MACF1: variants seen among roughly 807,000 people sequenced by gnomAD.
The protein encoded by MACF1 is microtubule actin crosslinking factor 1, also known as microtubule-actin cross-linking factor 1.
MACF1 carries 193 observed loss-of-function variants against 854.8 expected under a neutral mutation model. The ratio of observed to expected loss-of-function variants is 0.23; its 90% confidence interval spans 0.20 to 0.25. The LOEUF is 0.25. Ranked by LOEUF, MACF1 falls within the 10% of genes least tolerant of loss-of-function variation. The probability of loss-of-function intolerance (pLI) is 1.00; values close to 1 mark genes in which losing one functional copy is unlikely to be tolerated. For missense variants in MACF1, 7,722 were observed against 8,929.1 expected (o/e 0.86, Z 5.45); for synonymous variants, 3,185 against 3,226.7 (o/e 0.99, Z 0.44).
chr1:39,361,759 C>A, intron 49 of MACF1, 82 bp downstream of exon 49: 1 of 1,320,022 alleles, frequency 7.6e-7, no homozygotes, highest in Non-Finnish European at 1.1e-6. Context: ...GCGCATACTA[C>A]ATCAGTCAGT....
chr1:39,458,155 C>T lies in MACF1; in HGVS notation c.21076-215C>T, dbSNP rs565752936. Reference sequence around the variant, plus strand: ...CATAACTCAATCACATCCCGTTAGACCCCACCTCCAGCATTGGAAATCACA... The same window carrying T: ...CATAACTCAATCACATCCCGTTAGATCCCACCTCCAGCATTGGAAATCACA... On this transcript the variant is annotated intron_variant, in intron 89 of 100. Coordinates refer to ENST00000564288, the MANE Select transcript of MACF1 (RefSeq NM_001394062.1). The T allele has an allele frequency of 1.4e-4, 72 of 512,246 alleles. 1 individual carries two copies. Among genetic ancestry groups the T allele is most frequent in the Admixed American group, 1.9e-4 (6 of 31,076 alleles). The allele number at this position is 512,246 out of a possible 1,614,324, so 31.7% of individuals were successfully genotyped here.
At chr1:39,128,433 T>C (rs1642915461) in intron 2 of MACF1, among the ~76,000 whole-genome samples, 1 of 152,168 alleles carries the variant, frequency 6.6e-6, no homozygotes, top group Admixed American at 6.5e-5. Context: ...CCAGGCACGG[T>C]GGCTCACGCC....
intron 33 of MACF1, 110 bp downstream of exon 33, chr1:39,323,118 T>C: frequency 3.2e-6 from 3 of 951,436 alleles, no homozygotes; most frequent in Non-Finnish European, 5.1e-6. Flanking sequence ...GTTGGGAGGA[T>C]TACTTGAGTC....
In MACF1 at chr1:39,406,756, A is replaced by AAAAAAAAAAAAAAAAAAAC. The variant is rs746955922; in HGVS notation, c.15817-15616_15817-15615insAAAAAAAAAAAAAAAACAA. Among the ~76,000 whole-genome samples, 361 of 116,018 alleles carry AAAAAAAAAAAAAAAAAAAC rather than the reference A, an allele frequency of 3.1e-3. 58 individuals carry two copies. Among genetic ancestry groups the AAAAAAAAAAAAAAAAAAAC allele is most frequent in the African/African-American group, 8.8e-3 (228 of 26,052 alleles). 76.1% of individuals were successfully genotyped at this position (116,018 alleles called of 152,430 possible). On this transcript the variant is annotated intron_variant, in intron 58 of 100. Coordinates refer to ENST00000564288, the MANE Select transcript of MACF1 (RefSeq NM_001394062.1). ...TCTCACTCAAAAAAAAAAAAAAAAA[A>AAAAAAAAAAAAAAAAAAAC]AACATTCTTTATAATAGAATAACCA...
chr1:39,252,786 C>A (rs1299905440), intron 4 of MACF1, among the ~76,000 whole-genome samples: 1 of 152,158 alleles, frequency 6.6e-6, no homozygotes, highest in African/African-American at 2.4e-5. Context: ...TTTTCCTAAA[C>A]CTTTGACTGA....
intron 58 of MACF1, among the ~76,000 whole-genome samples, chr1:39,406,334 A>G (rs1440601107): frequency 6.6e-6 from 1 of 152,216 alleles, no homozygotes; most frequent in Non-Finnish European, 1.5e-5. Flanking sequence ...GAATATTGGT[A>G]GATAGACATG....
intron 26 of MACF1, among the ~76,000 whole-genome samples, chr1:39,314,512 A>C (rs946688283): frequency 4.6e-5 from 7 of 151,790 alleles, no homozygotes; most frequent in African/African-American, 1.5e-4. Context: ...GTTTACAGAT[A>C]TAGATCAATA....
chr1:39,397,934 A>G (rs1384950032), intron 58 of MACF1, among the ~76,000 whole-genome samples: 2 of 152,234 alleles, frequency 1.3e-5, no homozygotes, highest in Non-Finnish European at 2.9e-5. Context: ...GATCTCTGAA[A>G]AAAACTCTAA....
chr1:39,254,622 A>G (rs149560409), intron 5 of MACF1: 92 of 432,802 alleles, frequency 2.1e-4, no homozygotes, highest in Non-Finnish European at 3.0e-4. Flanking sequence ...ATAAAGATGG[A>G]ATTTTGTGGA....
At chr1:39,116,898 G>C (rs752745631) in intron 2 of MACF1, among the ~76,000 whole-genome samples, 1 of 152,132 alleles carries the variant, frequency 6.6e-6, no homozygotes, top group African/African-American at 2.4e-5. Flanking sequence ...TTCTTCATTA[G>C]TCTTAACAGG....
intron 6 of MACF1, among the ~76,000 whole-genome samples, chr1:39,273,722 C>A (rs1645374562): frequency 6.6e-6 from 1 of 152,064 alleles, no homozygotes; most frequent in African/African-American, 2.4e-5. Flanking sequence ...CTCAGAGTAG[C>A]TGGGACTACA....
At chr1:39,117,533 G>GGTGTGTGTGTGT (rs67609869) in intron 2 of MACF1, among the ~76,000 whole-genome samples, 112 of 147,720 alleles carry the variant, frequency 7.6e-4, no homozygotes, top group African/African-American at 2.3e-3. Flanking sequence ...ACCTGCAAGA[G>GGTGTGTGTGTGT]GTGTGTGTGT....
chr1:39,432,784 G>T, intron 67 of MACF1, 130 bp downstream of exon 67: 3 of 1,090,986 alleles, frequency 2.7e-6, no homozygotes, highest in Non-Finnish European at 3.7e-6. Flanking sequence ...AATTTTCTAT[G>T]TATTTGGTTG....
In MACF1 at chr1:39,333,388, G is replaced by A; in HGVS notation, c.6800G>A (p.Arg2267Lys). The stretch of plus-strand genomic sequence containing the variant: ...AAGACCGATGAGGAAGATAGTGGCA[G>A]GGAAATTTTTCTGTCATGCAGTCAT... ...SEKTDEEDSG[R>K]EIFLSCSHPL... The change falls in exon 37 of 101, where the codon AGG becomes AAG. Residue 2267 changes from arginine (R) to lysine (K), a missense_variant. Physicochemically the swap from Arg to Lys is conservative, Grantham distance 26 (BLOSUM62 2). This residue lies in a region of MACF1 where 1,531 missense variants were observed against 1,601.6 expected (regional missense o/e 0.96). Coordinates refer to ENST00000564288, the MANE Select transcript of MACF1 (RefSeq NM_001394062.1). The A allele has an allele frequency of 6.2e-7, 1 of 1,613,990 alleles. No individual in the cohort carries two copies. The highest frequency in any genetic ancestry group is 8.5e-7 in the Non-Finnish European group (1 of 1,179,934).
At chr1:39,279,885 T>G (rs1047629920) in intron 6 of MACF1, among the ~76,000 whole-genome samples, 8 of 152,120 alleles carry the variant, frequency 5.3e-5, no homozygotes, top group African/African-American at 1.4e-4. Context: ...TACTTTTTAT[T>G]ATAAAAATAA....
chr1:39,251,798 G>A (rs543822391), intron 3 of MACF1, 48 bp from the exon 4 acceptor site: 1 of 1,085,384 alleles, frequency 9.2e-7, no homozygotes, highest in African/African-American at 1.6e-5. Flanking sequence ...TTTTTATTGT[G>A]AATTTCTTGT....
At chr1:39,095,765 C>T (rs971884321) in intron 2 of MACF1, among the ~76,000 whole-genome samples, 21 of 151,254 alleles carry the variant, frequency 1.4e-4, no homozygotes, top group African/African-American at 4.9e-4. Context: ...GTCCTAGCTA[C>T]TTGGGGGCTG....
chr1:39,481,173 G>A, intron 99 of MACF1, 143 bp downstream of exon 99: 3 of 547,678 alleles, frequency 5.5e-6, no homozygotes, highest in Non-Finnish European at 3.2e-6. Flanking sequence ...ATCTAGTCCA[G>A]TGTTTTCAGG....
At chr1:39,187,635 T>A (rs932924755) in intron 2 of MACF1, among the ~76,000 whole-genome samples, 5 of 152,202 alleles carry the variant, frequency 3.3e-5, no homozygotes, top group African/African-American at 1.2e-4. Flanking sequence ...GAAAATGTCT[T>A]ATTCTACTTT....
Sources: gnomAD v4.1 joint callset for allele counts (sites outside exome capture counted in the v4.1 genomes callset) on GRCh38, gnomAD v4.1.1 for gene constraint, gnomAD v4.1.1 regional missense constraint, MANE v1.5 for transcripts, NCBI Gene and HGNC (gene_info 2026-07-23, HGNC 2026-07-21) for gene names.